The following NKAIN2 variants were observed in gnomAD, a reference collection of about 807,000 sequenced individuals.
The protein encoded by NKAIN2 is sodium/potassium transporting ATPase interacting 2.
In NKAIN2, 14 loss-of-function variants were observed where a neutral mutation model predicts 32.6. The observed-to-expected ratio is 0.43, with a 90% CI of 0.28 to 0.67. NKAIN2 has a LOEUF of 0.67. Among genes scored for constraint, NKAIN2 ranks in the 30% least tolerant of loss-of-function variants. The pLI, the probability that NKAIN2 is intolerant of heterozygous loss-of-function variation, is 0.17. For missense variants in NKAIN2, 198 were observed against 258.3 expected (o/e 0.77, Z 1.60); for synonymous variants, 80 against 87.2 (o/e 0.92, Z 0.46).
intron 3 of NKAIN2, among the ~76,000 whole-genome samples, chr6:124,372,538 T>C (rs1359324013): frequency 6.6e-6 from 1 of 152,206 alleles, no homozygotes; most frequent in Non-Finnish European, 1.5e-5. Context: ...AGAGAAAGGA[T>C]ACTCAAGTTT....
At position 124,272,357 on chromosome 6, in the gene NKAIN2, G is replaced by A. The variant is rs537657420; in HGVS notation, c.55-10648G>A. 5.9e-5 allele frequency among the ~76,000 whole-genome samples: 9 copies of A among 152,264 alleles called. No homozygotes were observed. In the South Asian group the frequency reaches 1.5e-3, roughly 25 times the overall value. ...GTTCCAGCTCCAGCCATGGCTAAAAGGGACCAACGTACAGCTCAGGCCTTT... is the reference window on the plus strand; with the variant it reads ...GTTCCAGCTCCAGCCATGGCTAAAAAGGACCAACGTACAGCTCAGGCCTTT... On this transcript the variant is annotated intron_variant, in intron 1 of 6. Coordinates refer to ENST00000368417, the MANE Select transcript of NKAIN2 (RefSeq NM_001040214.3).
intron 1 of NKAIN2, among the ~76,000 whole-genome samples, chr6:124,174,740 G>A (rs889843576): frequency 1.3e-5 from 2 of 152,152 alleles, no homozygotes; most frequent in African/African-American, 4.8e-5. Context: ...TGGCCAGAAT[G>A]TAGTCATATG....
At chr6:124,665,879 G>GTAT (rs1772770690) in intron 4 of NKAIN2, among the ~76,000 whole-genome samples, 1 of 152,088 alleles carries the variant, frequency 6.6e-6, no homozygotes, top group African/African-American at 2.4e-5. Context: ...TCTATACTGT[G>GTAT]CGTACCGTAC....
chr6:124,596,061 A>G lies in NKAIN2; in HGVS notation c.274-62125A>G, dbSNP rs572044900. ...GATGTTCTCCTTGAAGAGAAAAAAA[A>G]GTAAATTGGAACCCCAACAGAATTA... On this transcript the variant is annotated intron_variant, in intron 3 of 6. Transcript: ENST00000368417. 2.0e-4 allele frequency among the ~76,000 whole-genome samples: 31 copies of G among 152,300 alleles called. 1 individual carries two copies. In the South Asian group the frequency reaches 3.9e-3, roughly 19 times the overall value.
intron 1 of NKAIN2, among the ~76,000 whole-genome samples, chr6:124,080,153 C>T (rs1192817666): frequency 1.3e-5 from 2 of 152,094 alleles, no homozygotes; most frequent in Admixed American, 6.6e-5. Context: ...AGGGTGGTTT[C>T]CTACACTGGG....
rs1401680294 is a variant in NKAIN2, at chr6:124,232,206, C to T, written c.55-50799C>T. Reference sequence around the variant, plus strand: ...AAGCTTTCTTGTGACCCAGCTCATTCTCTGGGTAAAACTGACTAGACTTCA... The same window carrying T: ...AAGCTTTCTTGTGACCCAGCTCATTTTCTGGGTAAAACTGACTAGACTTCA... On this transcript the variant is annotated intron_variant, in intron 1 of 6. Coordinates refer to ENST00000368417, the MANE Select transcript of NKAIN2 (RefSeq NM_001040214.3). Among the ~76,000 whole-genome samples, 3 of 152,252 alleles carry T rather than the reference C, an allele frequency of 2.0e-5. No individual in the cohort carries two copies. In the East Asian group the frequency reaches 5.8e-4, roughly 29 times the overall value.
intron 4 of NKAIN2, among the ~76,000 whole-genome samples, chr6:124,725,457 T>C (rs1201670625): frequency 6.6e-6 from 1 of 152,166 alleles, no homozygotes; most frequent in Non-Finnish European, 1.5e-5. Flanking sequence ...TCCTGGAATA[T>C]TCCTAAGCCC....
chr6:124,054,539 A>T (rs1355282), intron 1 of NKAIN2, among the ~76,000 whole-genome samples: 52,213 of 151,900 alleles, frequency 0.34, 9,702 homozygotes, highest in South Asian at 0.44. Context: ...CAATAATGTT[A>T]TTCGAACAAA....
intron 3 of NKAIN2, among the ~76,000 whole-genome samples, chr6:124,481,664 C>G (rs538749938): frequency 2.0e-5 from 3 of 151,956 alleles, no homozygotes; most frequent in African/African-American, 7.2e-5. Context: ...ATTCTTTTTA[C>G]CAGGTTTTTG....
intron 1 of NKAIN2, among the ~76,000 whole-genome samples, chr6:124,008,404 T>C (rs965817413): frequency 9.2e-5 from 14 of 152,154 alleles, no homozygotes; most frequent in Non-Finnish European, 2.1e-4. Flanking sequence ...CAGAACTGTA[T>C]ATTATGTACA....
At chr6:123,861,932 A>G (rs1290520957) in intron 1 of NKAIN2, among the ~76,000 whole-genome samples, 4 of 152,196 alleles carry the variant, frequency 2.6e-5, no homozygotes, top group South Asian at 2.1e-4. Context: ...AGGTTAATAG[A>G]TTAAACATAC....
chr6:124,514,068 CAGAA>C (rs1778815510), intron 3 of NKAIN2, among the ~76,000 whole-genome samples: 1 of 152,124 alleles, frequency 6.6e-6, no homozygotes, highest in African/African-American at 2.4e-5. Context: ...TATCAAAACA[CAGAA>C]AGGACTAAAT....
chr6:123,890,663 A>ACAG (rs1317079155), intron 1 of NKAIN2, among the ~76,000 whole-genome samples: 3 of 152,152 alleles, frequency 2.0e-5, no homozygotes, highest in Admixed American at 2.0e-4. Context: ...AACAAAAAAT[A>ACAG]CAGCAAACCC....
At chr6:124,240,060 G>T (rs897774962) in intron 1 of NKAIN2, among the ~76,000 whole-genome samples, 2 of 151,778 alleles carry the variant, frequency 1.3e-5, no homozygotes, top group Non-Finnish European at 2.9e-5. Flanking sequence ...TGATAAAGGG[G>T]ATATCACTAC....
intron 1 of NKAIN2, among the ~76,000 whole-genome samples, chr6:123,849,514 C>T (rs890244220): frequency 2.0e-5 from 3 of 152,150 alleles, no homozygotes; most frequent in African/African-American, 4.8e-5. Flanking sequence ...CTTTGTACGT[C>T]CCTACCCCTG....
chr6:124,751,487 G>T (rs1043444355), intron 4 of NKAIN2, among the ~76,000 whole-genome samples: 11 of 151,886 alleles, frequency 7.2e-5, no homozygotes, highest in African/African-American at 2.7e-4. Context: ...TATATTTCTG[G>T]ATCAGAAAGG....
chr6:124,806,620 T>A (rs1311285840), intron 5 of NKAIN2, among the ~76,000 whole-genome samples: 1 of 151,794 alleles, frequency 6.6e-6, no homozygotes, highest in Non-Finnish European at 1.5e-5. Flanking sequence ...AATGACAGGT[T>A]CAAATTCACA....
chr6:124,237,486 A>C lies in NKAIN2; in HGVS notation c.55-45519A>C, dbSNP rs565144213. On this transcript the variant is annotated intron_variant, in intron 1 of 6. Transcript: ENST00000368417. ...CATTTCTCTTTTGTTTAATTTTGTT[A>C]TACAAAGGAATGATAGGACAAGAAA... Among the ~76,000 whole-genome samples, 20 of 152,242 alleles carry C rather than the reference A, an allele frequency of 1.3e-4. No individual in the cohort carries two copies. In the South Asian group the frequency reaches 3.3e-3, roughly 25 times the overall value.
chr6:124,066,614 C>A (rs1490420043), intron 1 of NKAIN2, among the ~76,000 whole-genome samples: 1 of 151,978 alleles, frequency 6.6e-6, no homozygotes, highest in Non-Finnish European at 1.5e-5. Flanking sequence ...TAAATAGGTC[C>A]TGAGACCATT....
Sources: allele counts gnomAD v4.1 joint callset (sites outside exome capture counted in the v4.1 genomes callset), GRCh38; gene constraint gnomAD v4.1.1; transcripts MANE v1.5; gene names NCBI Gene and HGNC (gene_info 2026-07-23, HGNC 2026-07-21).